FLNB: variants seen among roughly 807,000 people sequenced by gnomAD.
FLNB encodes filamin B.
Under a neutral mutation model 250.6 loss-of-function variants are expected in FLNB, and 111 were observed. That is an observed-to-expected ratio of 0.44 (90% confidence interval 0.38 to 0.52). The LOEUF (loss-of-function observed/expected upper bound fraction) is 0.52, where lower values mean the gene tolerates loss of function less well. FLNB is among the 20% of genes least tolerant of loss of function. The pLI is 0.00. For missense variants in FLNB, 2,869 were observed against 3,447.8 expected, an observed-to-expected ratio of 0.83 and a Z score of 4.20; for synonymous variants, 1,302 against 1,372.1, an observed-to-expected ratio of 0.95 and a Z score of 1.13.
chr3:58,044,018 T>G (rs531448546), intron 1 of FLNB, among the ~76,000 whole-genome samples: 13 of 152,326 alleles, frequency 8.5e-5, no homozygotes, highest in Non-Finnish European at 1.5e-4. Flanking sequence ...CTGCTATCAC[T>G]GCAGGCAACG....
At chr3:58,095,560 T>C (rs145696980) in intron 5 of FLNB, among the ~76,000 whole-genome samples, 228 of 152,304 alleles carry the variant, frequency 1.5e-3, no homozygotes, top group African/African-American at 5.1e-3. Context: ...CCAGCCTCAG[T>C]TGAGGTTTTA....
intron 26 of FLNB, among the ~76,000 whole-genome samples, 184 bp from the exon 27 acceptor site, chr3:58,134,432 A>T (rs950121623): frequency 6.6e-6 from 1 of 152,190 alleles, no homozygotes; most frequent in Non-Finnish European, 1.5e-5. Context: ...CCAGTCTGTC[A>T]TATGATGGTT....
intron 34 of FLNB, 57 bp from the exon 35 acceptor site, chr3:58,148,149 C>G: frequency 6.3e-7 from 1 of 1,574,988 alleles, no homozygotes. Context: ...CATGGCAGCT[C>G]TGTGAAGCCA....
In FLNB at chr3:58,067,579, TTG is replaced by T. The variant is rs1194455440; in HGVS notation, c.293-9465_293-9464del. On this transcript the variant is annotated intron_variant, in intron 1 of 45. Coordinates refer to ENST00000295956, the MANE Select transcript of FLNB (RefSeq NM_001457.4). ...AACCACTGTAACAAAGAGGTTTTTT[TTG>T]TTTGTTTTTTTGTTTTTTTTTTGTT... Among the ~76,000 whole-genome samples the T allele has an allele frequency of 3.0e-4, 35 of 117,970 alleles. No homozygotes were observed. In the East Asian group the frequency reaches 8.0e-3, roughly 27 times the overall value. 77.4% of individuals were successfully genotyped at this position (117,970 alleles called of 152,430 possible).
chr3:58,111,031 A>G (rs1386885383), intron 16 of FLNB, among the ~76,000 whole-genome samples: 1 of 152,226 alleles, frequency 6.6e-6, no homozygotes, highest in Non-Finnish European at 1.5e-5. Context: ...GGTTAAAAGC[A>G]GGGGTCTGGA....
chr3:58,039,651 G>A (rs934601659), intron 1 of FLNB, among the ~76,000 whole-genome samples: 9 of 152,176 alleles, frequency 5.9e-5, no homozygotes, highest in African/African-American at 2.2e-4. Context: ...CTCTGAAAGT[G>A]GAAACTTATT....
chr3:58,113,144 C>G (rs1013792123), intron 18 of FLNB, among the ~76,000 whole-genome samples: 2 of 152,188 alleles, frequency 1.3e-5, no homozygotes, highest in Non-Finnish European at 2.9e-5. Context: ...CCATCCATCT[C>G]CATAATTCTT....
At chr3:58,079,316 G>A (rs1423694906) in intron 3 of FLNB, among the ~76,000 whole-genome samples, 1 of 149,700 alleles carries the variant, frequency 6.7e-6, no homozygotes, top group Admixed American at 6.7e-5. Context: ...GCAGTGGTGT[G>A]ATCTCCACTC....
intron 1 of FLNB, among the ~76,000 whole-genome samples, chr3:58,040,176 C>T (rs1718481): frequency 0.52 from 78,869 of 152,002 alleles, 21,762 homozygotes; most frequent in African/African-American, 0.72. Flanking sequence ...GGTGCTGTGA[C>T]GGCAAATCCC....
chr3:58,170,616 C>T lies in FLNB; in HGVS notation c.7663C>T (p.Pro2555Ser). ...LLIGVHGPTTPCEEVSMKHVG... is the reference protein window; with the variant it reads ...LLIGVHGPTTSCEEVSMKHVG... ...GATCGGGGTCCATGGGCCCACCACC[C>T]CCTGCGAGGAGGTCTCCATGAAGCA... is the stretch of plus-strand genomic sequence containing the variant. The change falls in exon 46 of 46, where the codon CCC becomes TCC. Residue 2555 changes from proline (P) to serine (S), a missense_variant. This residue lies in a region of FLNB where 1,084 missense variants were observed against 1,315.5 expected (regional missense o/e 0.82). Coordinates refer to ENST00000295956, the MANE Select transcript of FLNB (RefSeq NM_001457.4). The T allele has an allele frequency of 6.2e-7, 1 of 1,614,144 alleles. No individual in the cohort carries two copies.
At chr3:58,143,418 T>C in intron 31 of FLNB, 55 bp from the exon 32 acceptor site, 1 of 1,607,378 alleles carries the variant, frequency 6.2e-7, no homozygotes, top group Non-Finnish European at 8.5e-7. Context: ...GGGCTCTGCT[T>C]CTCTGGGGAA....
chr3:58,132,668 T>G (rs952396454), intron 25 of FLNB, 140 bp from the exon 26 acceptor site: 1 of 1,042,262 alleles, frequency 9.6e-7, no homozygotes, highest in Non-Finnish European at 1.5e-6. Context: ...GGCCTGTGAT[T>G]ATGGTTGCTG....
intron 12 of FLNB, among the ~76,000 whole-genome samples, chr3:58,108,042 T>C (rs998735491): frequency 3.3e-5 from 5 of 152,116 alleles, no homozygotes; most frequent in Non-Finnish European, 7.3e-5. Flanking sequence ...ATATTTTGCC[T>C]TCCCTGGGCC....
At chr3:58,014,803 A>C (rs1576585136) in intron 1 of FLNB, among the ~76,000 whole-genome samples, 1 of 151,994 alleles carries the variant, frequency 6.6e-6, no homozygotes, top group African/African-American at 2.4e-5. Context: ...ATCTCGGCTC[A>C]CTGCAACCTC....
intron 1 of FLNB, among the ~76,000 whole-genome samples, chr3:58,013,251 A>G (rs1472873868): frequency 6.6e-6 from 1 of 152,138 alleles, no homozygotes; most frequent in East Asian, 1.9e-4. Context: ...TAGAGAAAGG[A>G]ATTGTTTCCT....
chr3:58,168,774 G>T, intron 44 of FLNB, 116 bp downstream of exon 44: 2 of 782,834 alleles, frequency 2.6e-6, no homozygotes, highest in Non-Finnish European at 4.5e-6. Flanking sequence ...TTTGAACTTT[G>T]AATGTCAGTA....
intron 1 of FLNB, among the ~76,000 whole-genome samples, chr3:58,047,247 G>A (rs2097155603): frequency 6.6e-6 from 1 of 152,140 alleles, no homozygotes; most frequent in Admixed American, 6.5e-5. Flanking sequence ...AGATGCTCAG[G>A]ACCCAGAGTT....
intron 24 of FLNB, among the ~76,000 whole-genome samples, chr3:58,129,589 G>A (rs894472000): frequency 2.6e-5 from 4 of 152,204 alleles, no homozygotes; most frequent in Non-Finnish European, 5.9e-5. Flanking sequence ...ATTTCACGTA[G>A]CTAAAGACCT....
intron 7 of FLNB, 93 bp from the exon 8 acceptor site, chr3:58,098,618 C>T (rs780730026): frequency 3.9e-5 from 47 of 1,211,144 alleles, no homozygotes; most frequent in Non-Finnish European, 5.7e-5. Flanking sequence ...CAAGCATGAG[C>T]CACCACACTG....
Sources: allele counts gnomAD v4.1 joint callset (sites outside exome capture counted in the v4.1 genomes callset), GRCh38; gene constraint gnomAD v4.1.1; regional missense constraint gnomAD v4.1.1; transcripts MANE v1.5; gene names NCBI Gene and HGNC (gene_info 2026-07-23, HGNC 2026-07-21).